Variants in MIS18BP1 observed in about 807,000 individuals in gnomAD.
The protein encoded by MIS18BP1 is mis18-binding protein 1.
Under a neutral mutation model 116.1 loss-of-function variants are expected in MIS18BP1, and 72 were observed. The observed-to-expected ratio is 0.62, with a 90% confidence interval of 0.51 to 0.75. MIS18BP1 has a LOEUF of 0.75. MIS18BP1 is among the 30% of genes least tolerant of loss of function. The pLI, the probability that MIS18BP1 is intolerant of heterozygous loss-of-function variation, is 0.00. For missense variants in MIS18BP1, 1,363 were observed against 1,303.2 expected, an observed-to-expected ratio of 1.05 and a Z score of -0.71; for synonymous variants, 386 against 427.0, an observed-to-expected ratio of 0.90 and a Z score of 1.18.
Position 45,217,095 on chromosome 14 carries a change from T to G in MIS18BP1, c.2927A>C (p.Glu976Ala). 1 of 1,614,100 alleles carries G rather than the reference T, an allele frequency of 6.2e-7. No individual in the cohort carries two copies. The highest frequency in any genetic ancestry group is 8.5e-7 in the Non-Finnish European group (1 of 1,180,002). The change falls in exon 13 of 17, where the codon GAA (glutamate) becomes GCA (alanine). Residue 976 changes from glutamate to alanine, a missense_variant. Coordinates refer to ENST00000310806, the MANE Select transcript of MIS18BP1 (RefSeq NM_018353.5). ...ATCTTTTGGCAACTGTTCCAGAAAT[T>G]CCCTCATCTGTTGCTTCCTTTTAAG... Reference protein sequence around the residue: ...GTLKRKQQMREFLEQLPKDDH... With the variant: ...GTLKRKQQMRAFLEQLPKDDH...
At position 45,204,072 on chromosome 14, in the gene MIS18BP1, A is replaced by G. The variant is rs757417672; in HGVS notation, c.*37T>C. ...TGAAAATACAAACACTGTCTGCTTT[A>G]TGGTAAAAATCCCAGGAATCATATT... On this transcript the variant is annotated 3_prime_UTR_variant, in exon 17 of 17. Coordinates refer to ENST00000310806, the MANE Select transcript of MIS18BP1 (RefSeq NM_018353.5). 5.0e-6 allele frequency: 8 copies of G among 1,598,354 alleles called. No homozygotes were observed. Among genetic ancestry groups the G allele is most frequent in the Non-Finnish European group, 8.5e-7 (1 of 1,173,824 alleles).
intron 6 of MIS18BP1, among the ~76,000 whole-genome samples, chr14:45,234,456 C>T (rs959749777): frequency 2.0e-5 from 3 of 152,036 alleles, no homozygotes; most frequent in Non-Finnish European, 4.4e-5. Flanking sequence ...CAGTAACGTG[C>T]TAGTTCATCC....
chr14:45,225,524 G>A (rs1156536915), intron 10 of MIS18BP1, among the ~76,000 whole-genome samples: 2 of 152,098 alleles, frequency 1.3e-5, no homozygotes, highest in Admixed American at 1.3e-4. Context: ...ACCTTACTAA[G>A]TATTATATGA....
chr14:45,221,934 G>A (rs948331679), intron 11 of MIS18BP1, among the ~76,000 whole-genome samples: 6 of 152,124 alleles, frequency 3.9e-5, no homozygotes, highest in African/African-American at 1.4e-4. Flanking sequence ...TTATTGTCAG[G>A]TGCATACACA....
intron 6 of MIS18BP1, among the ~76,000 whole-genome samples, chr14:45,234,278 C>T (rs1343593921): frequency 6.8e-6 from 1 of 146,866 alleles, no homozygotes; most frequent in African/African-American, 2.5e-5. Flanking sequence ...TAAATGTAAA[C>T]AAACTATATG....
chr14:45,222,103 T>A (rs1890991894), intron 11 of MIS18BP1, among the ~76,000 whole-genome samples: 1 of 152,252 alleles, frequency 6.6e-6, no homozygotes, highest in Non-Finnish European at 1.5e-5. Context: ...TATTTTTCTA[T>A]CCTTTTAACC....
At chr14:45,223,872 T>C (rs1308494723) in intron 11 of MIS18BP1, 46 bp downstream of exon 11, 4 of 1,383,646 alleles carry the variant, frequency 2.9e-6, no homozygotes, top group Admixed American at 2.4e-5. Flanking sequence ...TTTAACTGTC[T>C]TGTGGCTGCT....
intron 1 of MIS18BP1, among the ~76,000 whole-genome samples, chr14:45,250,341 C>A (rs1215518815): frequency 6.6e-6 from 1 of 152,006 alleles, no homozygotes; most frequent in Admixed American, 6.5e-5. Context: ...AATAGATAAA[C>A]AAGAAAAACC....
Position 45,242,463 on chromosome 14 carries a change from G to A in MIS18BP1, c.714C>T (p.Asn238=), listed in dbSNP as rs1238751991. ...QENFLAVEAR[N]KTLTRAQLAK... ...CCAACTGAGCTCTAGTTAATGTCTT[G>A]TTTCGGGCTTCTACAGCCAAAAAAT... The change falls in exon 4 of 17, where the codon AAC becomes AAT. Residue 238 remains asparagine, a synonymous_variant. Coordinates refer to ENST00000310806, the MANE Select transcript of MIS18BP1 (RefSeq NM_018353.5). The A allele has an allele frequency of 6.8e-6, 11 of 1,607,920 alleles. No homozygotes were observed. The highest frequency in any genetic ancestry group is 9.3e-6 in the Non-Finnish European group (11 of 1,178,580).
chr14:45,247,483 C>A (rs1404600452), intron 1 of MIS18BP1, 106 bp from the exon 2 acceptor site: 5 of 442,872 alleles, frequency 1.1e-5, no homozygotes, highest in Non-Finnish European at 1.2e-5. Flanking sequence ...TTAACTGGTT[C>A]ATAACAATAC....
chr14:45,240,425 A>C (rs903644954), intron 4 of MIS18BP1, among the ~76,000 whole-genome samples: 1 of 151,882 alleles, frequency 6.6e-6, no homozygotes, highest in Non-Finnish European at 1.5e-5. Context: ...TGGTAAGGAC[A>C]TTGCCCTTTC....
chr14:45,232,769 C>A lies in MIS18BP1; in HGVS notation c.1400G>T (p.Trp467Leu). 1 of 1,485,422 alleles carries A rather than the reference C, an allele frequency of 6.7e-7. No individual in the cohort carries two copies. The highest frequency in any genetic ancestry group is 1.4e-5 in the African/African-American group (1 of 71,392). The allele number at this position is 1,485,422 out of a possible 1,614,324, so 92.0% of individuals were successfully genotyped here. Residue 467 changes from tryptophan to leucine, a missense_variant, in exon 7 of 17, where the codon TGG (tryptophan) becomes TTG (leucine). Trp to Leu is a moderately conservative substitution (Grantham distance 61). Coordinates refer to ENST00000310806, the MANE Select transcript of MIS18BP1 (RefSeq NM_018353.5). Reference sequence around the variant, plus strand: ...CAGAAAATTATCAATGTGCTCTTTCCAATTTTCTGGAAATCCAAACATAAA... The same window carrying A: ...CAGAAAATTATCAATGTGCTCTTTCAAATTTTCTGGAAATCCAAACATAAA... The part of the protein sequence containing the change: ...RKFMFGFPEN[W>L]KEHIDNFLEQ...
At chr14:45,232,697 A>G in intron 7 of MIS18BP1, 36 bp downstream of exon 7, 3 of 1,137,154 alleles carry the variant, frequency 2.6e-6, no homozygotes, top group Non-Finnish European at 3.8e-6. Context: ...ATATCTCAAT[A>G]AAGTTGACTT....
At chr14:45,220,970 A>G (rs1182998990) in intron 11 of MIS18BP1, among the ~76,000 whole-genome samples, 1 of 151,984 alleles carries the variant, frequency 6.6e-6, no homozygotes, top group Admixed American at 6.6e-5. Flanking sequence ...CCTTAACTCC[A>G]CTAAAAATAC....
rs150552085 is a variant in MIS18BP1 at position 45,222,247 on chromosome 14, G to C, written c.2669+1671C>G. Among the ~76,000 whole-genome samples the C allele has an allele frequency of 6.6e-5, 10 of 152,086 alleles. 1 individual carries two copies. The highest frequency in any genetic ancestry group is 3.4e-3 in the Middle Eastern group (1 of 294). On this transcript the variant is annotated intron_variant, in intron 11 of 16. Transcript: ENST00000310806. The stretch of plus-strand genomic sequence containing the variant: ...TTTAATTTAATTATGTTGGATTTAG[G>C]TCAATAATTTTATTATTTGTTTTCT...
chr14:45,242,968 G>C (rs1457625803), intron 2 of MIS18BP1, 94 bp from the exon 3 acceptor site: 14 of 774,598 alleles, frequency 1.8e-5, no homozygotes, highest in Non-Finnish European at 2.7e-5. Context: ...AAGACACTTA[G>C]ATTTAGTAAT....
chr14:45,217,244 A>G, intron 12 of MIS18BP1, 65 bp from the exon 13 acceptor site: 2 of 1,536,774 alleles, frequency 1.3e-6, no homozygotes, highest in South Asian at 1.2e-5. Flanking sequence ...CTATAAAGTT[A>G]ACAACCTTTG....
At chr14:45,229,388 C>T (rs1891215019) in intron 8 of MIS18BP1, among the ~76,000 whole-genome samples, 1 of 151,768 alleles carries the variant, frequency 6.6e-6, no homozygotes, top group African/African-American at 2.4e-5. Flanking sequence ...CCTGTAGTCC[C>T]AGCTACTTTG....
intron 7 of MIS18BP1, 32 bp downstream of exon 7, chr14:45,232,701 T>C (rs1891322175): frequency 4.3e-6 from 5 of 1,164,306 alleles, no homozygotes; most frequent in Non-Finnish European, 6.2e-6. Context: ...CTCAATAAAG[T>C]TGACTTCTAA....
Sources: allele counts gnomAD v4.1 joint callset (sites outside exome capture counted in the v4.1 genomes callset), GRCh38; gene constraint gnomAD v4.1.1; transcripts MANE v1.5; gene names NCBI Gene and HGNC (gene_info 2026-07-23, HGNC 2026-07-21).